The following MIR2052HG variants were observed in gnomAD, a reference collection of about 807,000 sequenced individuals.
MIR2052HG encodes the protein MIR2052 host gene.
chr8:74,613,089 G>A, intron 2 of MIR2052HG: 1 of 338,132 alleles, frequency 3.0e-6, no homozygotes, highest in Non-Finnish European at 5.9e-6. Context: ...ACAGTTTTGT[G>A]GGTAGAGGTT....
intron 4 of MIR2052HG, among the ~76,000 whole-genome samples, chr8:74,716,397 T>C (rs1809521953): frequency 6.6e-6 from 1 of 152,160 alleles, no homozygotes; most frequent in Admixed American, 6.5e-5. Context: ...GGGCCTTTTA[T>C]AGAATATTAT....
intron 2 of MIR2052HG, among the ~76,000 whole-genome samples, chr8:74,636,610 T>C (rs966153217): frequency 2.0e-5 from 3 of 152,190 alleles, no homozygotes; most frequent in African/African-American, 7.2e-5. Flanking sequence ...TCAGTGTCTT[T>C]CACCATTTTA....
chr8:74,731,932 A>G (rs576021228), intron 4 of MIR2052HG, among the ~76,000 whole-genome samples: 10 of 152,238 alleles, frequency 6.6e-5, no homozygotes, highest in African/African-American at 2.4e-4. Flanking sequence ...TTTTGCAAAC[A>G]CTCATATTAC....
chr8:74,642,154 A>C (rs1445403614), intron 2 of MIR2052HG, among the ~76,000 whole-genome samples: 2 of 152,078 alleles, frequency 1.3e-5, no homozygotes, highest in African/African-American at 4.8e-5. Flanking sequence ...CTTGCTCAGG[A>C]TTGCAAATTG....
At chr8:74,611,336 A>G (rs1808191645) in intron 1 of MIR2052HG, among the ~76,000 whole-genome samples, 1 of 152,176 alleles carries the variant, frequency 6.6e-6, no homozygotes, top group Non-Finnish European at 1.5e-5. Context: ...GAGAGGATGA[A>G]GAGAAACTGG....
chr8:74,724,759 A>G (rs920849183), intron 4 of MIR2052HG, among the ~76,000 whole-genome samples: 6 of 152,146 alleles, frequency 3.9e-5, no homozygotes, highest in African/African-American at 9.7e-5. Flanking sequence ...ATTATTCTTT[A>G]TTTTGATTAG....
chr8:74,740,789 G>A (rs187572680), intron 4 of MIR2052HG, among the ~76,000 whole-genome samples: 1 of 152,232 alleles, frequency 6.6e-6, no homozygotes, highest in East Asian at 1.9e-4. Flanking sequence ...CAAGTAGATA[G>A]CGTGGTCTCC....
intron 2 of MIR2052HG, among the ~76,000 whole-genome samples, chr8:74,629,505 A>C (rs1808480033): frequency 6.6e-6 from 1 of 152,044 alleles, no homozygotes; most frequent in Admixed American, 6.6e-5. Context: ...GAAAAGAGGA[A>C]ACAGCAAGGG....
In MIR2052HG at chr8:74,610,752, A is replaced by G. The variant is rs147013301; in HGVS notation, n.129-2101A>G. On this transcript the variant is annotated intron_variant and non_coding_transcript_variant, in intron 1 of 6. Transcript: ENST00000523442. ...TGGAGAACAGATAGGTTTTTCAATAATGTTGCTGTAACAATTGAATATCAA... is the reference window on the plus strand; with the variant it reads ...TGGAGAACAGATAGGTTTTTCAATAGTGTTGCTGTAACAATTGAATATCAA... Among the ~76,000 whole-genome samples the G allele has an allele frequency of 2.9e-3, 448 of 152,136 alleles. 4 individuals are homozygous for G. The highest frequency in any genetic ancestry group is 0.01 in the African/African-American group (420 of 41,554).
chr8:74,635,240 ATT>A (rs199652112), intron 2 of MIR2052HG, among the ~76,000 whole-genome samples: 75 of 145,296 alleles, frequency 5.2e-4, no homozygotes, highest in Non-Finnish European at 4.0e-4. Flanking sequence ...ACAAAAACAG[ATT>A]TTTTTTTTTT....
chr8:74,713,969 T>G (rs920476762), intron 4 of MIR2052HG, among the ~76,000 whole-genome samples: 2 of 152,002 alleles, frequency 1.3e-5, no homozygotes, highest in Non-Finnish European at 2.9e-5. Flanking sequence ...GGAACAGAGT[T>G]AAGAAAAGTT....
chr8:74,720,716 G>C (rs1809568282), intron 4 of MIR2052HG, among the ~76,000 whole-genome samples: 1 of 152,072 alleles, frequency 6.6e-6, no homozygotes. Context: ...AGCTACCTGA[G>C]CCTGGGTAAT....
At chr8:74,691,834 A>C (rs1379671018) in intron 2 of MIR2052HG, among the ~76,000 whole-genome samples, 1 of 152,172 alleles carries the variant, frequency 6.6e-6, no homozygotes, top group Non-Finnish European at 1.5e-5. Flanking sequence ...ACCTGTGTGA[A>C]GTTTTCCCAT....
intron 2 of MIR2052HG, among the ~76,000 whole-genome samples, chr8:74,675,222 C>T (rs1482393740): frequency 6.6e-6 from 1 of 151,884 alleles, no homozygotes; most frequent in African/African-American, 2.4e-5. Context: ...TATTATTGGC[C>T]CTTCATACCC....
chr8:74,662,824 C>T (rs1054292161), intron 2 of MIR2052HG, among the ~76,000 whole-genome samples: 2 of 151,048 alleles, frequency 1.3e-5, no homozygotes, highest in African/African-American at 4.9e-5. Flanking sequence ...TGAGAAGGCA[C>T]TGAAAATACA....
intron 2 of MIR2052HG, among the ~76,000 whole-genome samples, chr8:74,643,409 A>G (rs1808660423): frequency 6.6e-6 from 1 of 152,226 alleles, no homozygotes; most frequent in South Asian, 2.1e-4. Context: ...TCCAGGAGGC[A>G]GAGTAAAAAA....
At chr8:74,708,772 A>C (rs1586920013) in intron 4 of MIR2052HG, among the ~76,000 whole-genome samples, 2 of 150,320 alleles carry the variant, frequency 1.3e-5, no homozygotes, top group Middle Eastern at 3.4e-3. Context: ...TAAAATAAAA[A>C]TTTTAAATTA....
intron 1 of MIR2052HG, among the ~76,000 whole-genome samples, chr8:74,602,520 C>T (rs7017318): frequency 0.73 from 108,251 of 148,760 alleles, 40,062 homozygotes; most frequent in African/African-American, 0.9. Flanking sequence ...TTCTTTCTTT[C>T]TTTTTTTTTT....
chr8:74,654,650 C>T (rs1808785800), intron 2 of MIR2052HG, among the ~76,000 whole-genome samples: 4 of 152,112 alleles, frequency 2.6e-5, no homozygotes, highest in Admixed American at 2.6e-4. Flanking sequence ...CTGAGACCTC[C>T]CCAGCCATGT....
Sources: gnomAD v4.1 joint callset for allele counts (sites outside exome capture counted in the v4.1 genomes callset) on GRCh38, gnomAD v4.1.1 for gene constraint, MANE v1.5 for transcripts, NCBI Gene and HGNC (gene_info 2026-07-23, HGNC 2026-07-21) for gene names.